The following ARMH4 variants were observed in gnomAD, a reference collection of about 807,000 sequenced individuals.
ARMH4 encodes the protein armadillo like helical domain containing 4, also known as armadillo-like helical domain-containing protein 4.
ARMH4 carries 49 observed loss-of-function variants against 61.9 expected under a neutral mutation model. That is an observed-to-expected ratio of 0.79 (90% CI 0.63 to 1.00). The LOEUF (loss-of-function observed/expected upper bound fraction) is 1.00, where lower values mean the gene tolerates loss of function less well. Ranked by LOEUF, ARMH4 falls within the 50% of genes least tolerant of loss-of-function variation. ARMH4 has a pLI of 0.00. For missense variants in ARMH4, 934 were observed against 930.0 expected (o/e 1.00, Z -0.06); for synonymous variants, 368 against 341.5 (o/e 1.08, Z -0.85).
At chr14:58,124,708 C>T (rs1177816411) in intron 4 of ARMH4, among the ~76,000 whole-genome samples, 2 of 152,118 alleles carry the variant, frequency 1.3e-5, no homozygotes, top group Admixed American at 6.5e-5. Context: ...CTCGAGGGGA[C>T]CTTTTAGAGG....
At chr14:58,130,804 T>C (rs1887067441) in intron 4 of ARMH4, among the ~76,000 whole-genome samples, 1 of 152,180 alleles carries the variant, frequency 6.6e-6, no homozygotes, top group Non-Finnish European at 1.5e-5. Context: ...ACCAGAGCAA[T>C]GCTGTTAAAA....
rs147632448 is a variant in ARMH4, at chr14:58,041,804, G to A, written c.2090-29654C>T. Among the ~76,000 whole-genome samples, 1,011 of 151,770 alleles carry A rather than the reference G, an allele frequency of 6.7e-3. 11 individuals are homozygous for A. The highest frequency in any genetic ancestry group is 0.022 in the African/African-American group (914 of 41,404). ...GAGCAGGGGTTGCAATCCTAGTCTCGGATAAAACAGACTTTAAACCAACAA... is the reference window on the plus strand; with the variant it reads ...GAGCAGGGGTTGCAATCCTAGTCTCAGATAAAACAGACTTTAAACCAACAA... On this transcript the variant is annotated intron_variant, in intron 5 of 7. Transcript: ENST00000267485.
intron 5 of ARMH4, among the ~76,000 whole-genome samples, chr14:58,088,444 C>T (rs1885449892): frequency 6.7e-6 from 1 of 150,342 alleles, no homozygotes; most frequent in Non-Finnish European, 1.5e-5. Context: ...ACCAGGGTGT[C>T]TTAGCTAATG....
At chr14:58,132,980 C>G in intron 3 of ARMH4, 110 bp downstream of exon 3, 2 of 1,145,778 alleles carry the variant, frequency 1.7e-6, no homozygotes, top group Non-Finnish European at 2.6e-6. Context: ...TGTACGTGCA[C>G]GCACGCGCGC....
chr14:58,049,044 T>C (rs924401379), intron 5 of ARMH4, among the ~76,000 whole-genome samples: 1 of 152,040 alleles, frequency 6.6e-6, no homozygotes, highest in African/African-American at 2.4e-5. Context: ...GAGACCATCC[T>C]GGCTAACATG....
chr14:58,133,256 G>C lies in ARMH4; in HGVS notation c.1455C>G (p.Leu485=), dbSNP rs140880514. ...TCTTGCCACTGTCTCTGATAAGCTC[G>C]AGGGTAGCAACCTGCTCTTGTGTCA... The part of the protein sequence containing the change: ...SMVTQEQVAT[L]ELIRDSGKTE... Residue 485 remains leucine, a synonymous_variant, in exon 3 of 8, where the codon CTC becomes CTG. Transcript: ENST00000267485. 3.1e-6 allele frequency: 5 copies of C among 1,613,964 alleles called. No homozygotes were observed. Among genetic ancestry groups the C allele is most frequent in the African/African-American group, 2.7e-5 (2 of 74,888 alleles).
chr14:58,113,939 A>G (rs887577525), intron 4 of ARMH4, among the ~76,000 whole-genome samples: 17 of 151,238 alleles, frequency 1.1e-4, no homozygotes, highest in Non-Finnish European at 1.6e-4. Flanking sequence ...TTATTTCTTT[A>G]AAGCTTTTAT....
intron 5 of ARMH4, among the ~76,000 whole-genome samples, chr14:58,018,661 T>C (rs1594693542): frequency 6.6e-6 from 1 of 152,210 alleles, no homozygotes; most frequent in Admixed American, 6.5e-5. Context: ...GAAATCCCTG[T>C]ACACTGTTGG....
intron 5 of ARMH4, among the ~76,000 whole-genome samples, chr14:58,028,010 C>T (rs1883082528): frequency 6.6e-6 from 1 of 152,154 alleles, no homozygotes; most frequent in South Asian, 2.1e-4. Context: ...GCCAGACTCT[C>T]TTTCCCCTTT....
At chr14:58,013,080 A>T (rs1488212308) in intron 5 of ARMH4, among the ~76,000 whole-genome samples, 1 of 152,232 alleles carries the variant, frequency 6.6e-6, no homozygotes, top group Non-Finnish European at 1.5e-5. Context: ...ATAAGTGTAA[A>T]AAAAACTTTT....
intron 5 of ARMH4, among the ~76,000 whole-genome samples, chr14:58,019,343 ACAT>A (rs1594694117): frequency 6.6e-6 from 1 of 152,146 alleles, no homozygotes; most frequent in Non-Finnish European, 1.5e-5. Flanking sequence ...ATATTTCAAA[ACAT>A]CATGTTGTTT....
intron 4 of ARMH4, among the ~76,000 whole-genome samples, chr14:58,106,599 T>G (rs1886173263): frequency 6.6e-6 from 1 of 152,210 alleles, no homozygotes; most frequent in Non-Finnish European, 1.5e-5. Flanking sequence ...GTACCCTCTC[T>G]TAGCCAACTT....
At chr14:58,063,188 A>G (rs1466116319) in intron 5 of ARMH4, among the ~76,000 whole-genome samples, 1 of 150,798 alleles carries the variant, frequency 6.6e-6, no homozygotes, top group Admixed American at 6.6e-5. Context: ...TGACCTCCTC[A>G]CTCTGTCAAT....
At chr14:58,116,712 A>G (rs1449747629) in intron 4 of ARMH4, among the ~76,000 whole-genome samples, 2 of 152,178 alleles carry the variant, frequency 1.3e-5, no homozygotes, top group East Asian at 3.8e-4. Context: ...TTCTTATTTC[A>G]TTTAGTATTA....
At chr14:58,113,358 T>C (rs933032988) in intron 4 of ARMH4, among the ~76,000 whole-genome samples, 4 of 152,202 alleles carry the variant, frequency 2.6e-5, no homozygotes, top group African/African-American at 9.6e-5. Flanking sequence ...TATTTGTCTA[T>C]TCTACTGGTG....
intron 5 of ARMH4, 57 bp downstream of exon 5, chr14:58,096,667 T>C: frequency 6.4e-7 from 1 of 1,557,676 alleles, no homozygotes; most frequent in South Asian, 1.2e-5. Context: ...GGCTGTCATC[T>C]GAGAAATATA....
intron 5 of ARMH4, among the ~76,000 whole-genome samples, chr14:58,017,669 A>G (rs528250317): frequency 6.6e-6 from 1 of 152,352 alleles, no homozygotes; most frequent in African/African-American, 2.4e-5. Context: ...ATGTTCACAG[A>G]CTAGATTAAT....
At chr14:58,021,629 C>T (rs953038854) in intron 5 of ARMH4, among the ~76,000 whole-genome samples, 3 of 152,150 alleles carry the variant, frequency 2.0e-5, no homozygotes, top group Non-Finnish European at 2.9e-5. Flanking sequence ...CAAGTTGACA[C>T]ATAAAATTAT....
At position 58,131,678 on chromosome 14, in the gene ARMH4, T is replaced by C; in HGVS notation, c.1665A>G (p.Pro555=). ...GAGGTGTCACTGGAGATCCCAGAAC[T>C]GGTGTGAACTCCTCATTTGGCCCTG... ...TVTGPNEEFT[P]VLGSPVTPPG... Residue 555 remains proline, a synonymous_variant, in exon 4 of 8, where the codon CCA becomes CCG. Transcript: ENST00000267485. 1 of 1,613,702 alleles carries C rather than the reference T, an allele frequency of 6.2e-7. No individual in the cohort carries two copies. The highest frequency in any genetic ancestry group is 8.5e-7 in the Non-Finnish European group (1 of 1,180,032).
Sources: allele counts gnomAD v4.1 joint callset (sites outside exome capture counted in the v4.1 genomes callset), GRCh38; gene constraint gnomAD v4.1.1; transcripts MANE v1.5; gene names NCBI Gene and HGNC (gene_info 2026-07-23, HGNC 2026-07-21).